The following CAMKMT variants were observed in gnomAD, a reference collection of about 807,000 sequenced individuals.
CAMKMT encodes the protein CaM KMT.
A neutral mutation model predicts 48.0 loss-of-function variants in CAMKMT; 53 were observed. That is an observed-to-expected ratio of 1.10 (90% CI 0.89 to 1.39). CAMKMT has a LOEUF of 1.39. CAMKMT is among the 40% of genes most tolerant of loss of function. The pLI is 0.00. For synonymous variants in CAMKMT, 165 were observed against 152.3 expected, an observed-to-expected ratio of 1.08 and a Z score of -0.61; for missense variants, 428 against 402.7, an observed-to-expected ratio of 1.06 and a Z score of -0.54.
At chr2:44,375,854 C>T (rs1275152370) in intron 2 of CAMKMT, among the ~76,000 whole-genome samples, 1 of 151,908 alleles carries the variant, frequency 6.6e-6, no homozygotes, top group African/African-American at 2.4e-5. Context: ...AGCCCATTCT[C>T]AGCTTACTGC....
intron 3 of CAMKMT, among the ~76,000 whole-genome samples, chr2:44,597,647 G>A (rs1346357579): frequency 6.6e-6 from 1 of 152,124 alleles, no homozygotes; most frequent in African/African-American, 2.4e-5. Context: ...AATCCAAAAA[G>A]CAATTACATT....
intron 1 of CAMKMT, among the ~76,000 whole-genome samples, chr2:44,370,509 C>T (rs1357018395): frequency 6.6e-6 from 1 of 152,006 alleles, no homozygotes; most frequent in Non-Finnish European, 1.5e-5. Flanking sequence ...TTATAGTAAC[C>T]TCCCTGTATC....
chr2:44,390,250 T>C lies in CAMKMT; in HGVS notation c.321T>C (p.Ser107=). 6.2e-7 allele frequency: 1 copy of C among 1,608,700 alleles called. No individual in the cohort carries two copies. The highest frequency in any genetic ancestry group is 1.1e-5 in the South Asian group (1 of 90,090). ...PEYSISLRHN[S]GSLNVEDVLT... ...CTTTACTCCTTTCTAGGCATAATAG[T>C]GGATCCTTGAATGTTGAAGATGTCC... The change falls in exon 3 of 11, where the codon AGT becomes AGC. Residue 107 remains serine, a synonymous_variant. Coordinates refer to ENST00000378494, the MANE Select transcript of CAMKMT (RefSeq NM_024766.5).
intron 3 of CAMKMT, among the ~76,000 whole-genome samples, chr2:44,664,932 G>A (rs1674877595): frequency 6.6e-6 from 1 of 152,194 alleles, no homozygotes; most frequent in Non-Finnish European, 1.5e-5. Flanking sequence ...TGGCTGTAGA[G>A]TAGATACTGG....
chr2:44,623,674 C>T (rs1447799289), intron 3 of CAMKMT, among the ~76,000 whole-genome samples: 1 of 151,904 alleles, frequency 6.6e-6, no homozygotes, highest in Non-Finnish European at 1.5e-5. Flanking sequence ...TATTCTGTTC[C>T]ATTAGTCTTA....
intron 3 of CAMKMT, chr2:44,394,847 A>ATTAT (rs914487100): frequency 2.0e-5 from 9 of 453,996 alleles, no homozygotes; most frequent in African/African-American, 4.0e-5. Flanking sequence ...GTAATCAGTT[A>ATTAT]TTATTGAAAG....
chr2:44,690,311 A>T (rs760593575), intron 3 of CAMKMT, among the ~76,000 whole-genome samples: 4 of 152,092 alleles, frequency 2.6e-5, no homozygotes, highest in African/African-American at 9.7e-5. Flanking sequence ...AATCAATTCA[A>T]CTCTTCCATT....
intron 3 of CAMKMT, among the ~76,000 whole-genome samples, chr2:44,452,586 CAG>C (rs1236860003): frequency 6.6e-6 from 1 of 151,980 alleles, no homozygotes; most frequent in Non-Finnish European, 1.5e-5. Flanking sequence ...ACTTGGCTTA[CAG>C]AGTTTAATTT....
intron 9 of CAMKMT, among the ~76,000 whole-genome samples, chr2:44,760,214 A>G (rs143478058): frequency 2.6e-5 from 4 of 152,258 alleles, no homozygotes; most frequent in East Asian, 3.9e-4. Context: ...AGGTTTCCCT[A>G]GAGGCAGTGG....
chr2:44,759,843 C>T (rs890109566), intron 9 of CAMKMT, among the ~76,000 whole-genome samples: 4 of 152,336 alleles, frequency 2.6e-5, no homozygotes, highest in East Asian at 1.9e-4. Flanking sequence ...CCCCCAAAGA[C>T]GTTGCAGTCT....
chr2:44,622,119 C>T (rs1021314790), intron 3 of CAMKMT, among the ~76,000 whole-genome samples: 1 of 152,028 alleles, frequency 6.6e-6, no homozygotes, highest in Non-Finnish European at 1.5e-5. Context: ...CTCCAGGCAC[C>T]CAAAGGTAGT....
At chr2:44,512,474 T>G (rs1208147226) in intron 3 of CAMKMT, among the ~76,000 whole-genome samples, 2 of 152,250 alleles carry the variant, frequency 1.3e-5, no homozygotes, top group East Asian at 3.9e-4. Context: ...TGTACTTTCA[T>G]TTATCTCATT....
chr2:44,405,626 AAATGT>A (rs1386021010), intron 3 of CAMKMT, among the ~76,000 whole-genome samples: 1 of 152,078 alleles, frequency 6.6e-6, no homozygotes, highest in Non-Finnish European at 1.5e-5. Flanking sequence ...CTTTTGGGGA[AAATGT>A]AATGAAGATT....
chr2:44,470,242 C>G (rs570456861), intron 3 of CAMKMT, among the ~76,000 whole-genome samples: 1 of 152,136 alleles, frequency 6.6e-6, no homozygotes, highest in African/African-American at 2.4e-5. Context: ...TGGCCTCATA[C>G]TGTGAAGTTT....
chr2:44,687,361 G>C (rs112413779), intron 3 of CAMKMT, among the ~76,000 whole-genome samples: 8 of 152,344 alleles, frequency 5.3e-5, no homozygotes, highest in African/African-American at 1.9e-4. Context: ...AACTCCTTGA[G>C]AGGAGGGGCT....
chr2:44,673,818 T>C (rs763144641), intron 3 of CAMKMT, among the ~76,000 whole-genome samples: 3 of 152,118 alleles, frequency 2.0e-5, no homozygotes, highest in Non-Finnish European at 2.9e-5. Context: ...CAGCATAAGT[T>C]ACAAAGAATT....
chr2:44,573,607 T>C (rs1287500389), intron 3 of CAMKMT, among the ~76,000 whole-genome samples: 1 of 152,140 alleles, frequency 6.6e-6, no homozygotes, highest in Non-Finnish European at 1.5e-5. Context: ...TTAAGTCTTC[T>C]GGCTTTTGTG....
intron 3 of CAMKMT, among the ~76,000 whole-genome samples, chr2:44,412,008 T>TTTTC (rs1683236059): frequency 1.1e-5 from 1 of 87,060 alleles, no homozygotes; most frequent in East Asian, 2.4e-4. Flanking sequence ...TTTTTTTTTT[T>TTTTC]TTAGCAGACA....
chr2:44,650,700 C>CA (rs766108725), intron 3 of CAMKMT, among the ~76,000 whole-genome samples: 66 of 151,708 alleles, frequency 4.4e-4, no homozygotes, highest in Admixed American at 9.2e-4. Flanking sequence ...TACTGTATGC[C>CA]AAAAAAATGT....
Sources: allele counts gnomAD v4.1 joint callset (sites outside exome capture counted in the v4.1 genomes callset), GRCh38; gene constraint gnomAD v4.1.1; transcripts MANE v1.5; gene names NCBI Gene and HGNC (gene_info 2026-07-23, HGNC 2026-07-21).